Variants in DSE observed in about 807,000 individuals in gnomAD.
DSE encodes the protein dermatan-sulfate epimerase.
In DSE, 36 loss-of-function variants were observed where a neutral mutation model predicts 84.4. That is an observed-to-expected ratio of 0.43 (90% CI 0.33 to 0.56). The LOEUF is 0.56. Ranked by LOEUF, DSE falls within the 20% of genes least tolerant of loss-of-function variation. DSE has a pLI of 0.06. For missense variants in DSE, 862 were observed against 1,169.6 expected (o/e 0.74, Z 3.84); for synonymous variants, 410 against 430.1 (o/e 0.95, Z 0.58).
At chr6:116,380,062 G>A (rs2114942534) in intron 1 of DSE, among the ~76,000 whole-genome samples, 1 of 152,236 alleles carries the variant, frequency 6.6e-6, no homozygotes, top group African/African-American at 2.4e-5. Context: ...AGCCACTGAT[G>A]TTTGGTTCAG....
chr6:116,353,442 C>G (rs930395439), intron 2 of DSE, among the ~76,000 whole-genome samples: 2 of 152,042 alleles, frequency 1.3e-5, no homozygotes, highest in African/African-American at 2.4e-5. Flanking sequence ...TTCATGAGTG[C>G]CTTCTTAATT....
At chr6:116,284,450 AC>A (rs112652727) in intron 2 of DSE, among the ~76,000 whole-genome samples, 30 of 152,200 alleles carry the variant, frequency 2.0e-4, no homozygotes, top group African/African-American at 7.0e-4. Context: ...CATGATTCGA[AC>A]CCAGAAAGTT....
intron 2 of DSE, among the ~76,000 whole-genome samples, chr6:116,287,319 A>G (rs188158117): frequency 4.6e-5 from 7 of 152,264 alleles, no homozygotes; most frequent in Admixed American, 4.6e-4. Flanking sequence ...TGAATACCTT[A>G]ACAATTTATT....
Position 116,295,074 on chromosome 6 carries a change from A to G in DSE, c.-54+36107A>G, listed in dbSNP as rs1158128825. Reference sequence around the variant, plus strand: ...ATCATACTGCAGTGTGAAAACAGGAATATTAGGTATATTCTACCAAGTACA... The same window carrying G: ...ATCATACTGCAGTGTGAAAACAGGAGTATTAGGTATATTCTACCAAGTACA... On this transcript the variant is annotated intron_variant, in intron 2 of 3. Transcript: ENST00000430252. Among the ~76,000 whole-genome samples the G allele has an allele frequency of 2.6e-5, 4 of 152,308 alleles. No individual in the cohort carries two copies. In the East Asian group the frequency reaches 5.8e-4, roughly 22 times the overall value.
At position 116,441,304 on chromosome 6, in the gene DSE, T is replaced by C. The variant is rs887361112; in HGVS notation, c.*3959T>C. 8.5e-5 allele frequency: 13 copies of C among 152,236 alleles called. No homozygotes were observed. The highest frequency in any genetic ancestry group is 1.9e-4 in the East Asian group (1 of 5,204). The allele number at this position is 152,236 out of a possible 1,614,324, so 9.4% of individuals were successfully genotyped here. ...GCATATACAGTTTCCCTCTTGGTTT[T>C]GGGATTTTTTTAATTGAAGTTTTAT... is the stretch of plus-strand genomic sequence containing the variant. On this transcript the variant is annotated 3_prime_UTR_variant, in exon 6 of 6. Coordinates refer to ENST00000644252, the MANE Select transcript of DSE (RefSeq NM_013352.4).
chr6:116,361,555 CTAAGG>C (rs1778889716), intron 2 of DSE, among the ~76,000 whole-genome samples: 1 of 152,062 alleles, frequency 6.6e-6, no homozygotes, highest in African/African-American at 2.4e-5. Context: ...GCTCAGGAGG[CTAAGG>C]TGAGAGTATC....
intron 2 of DSE, among the ~76,000 whole-genome samples, chr6:116,339,314 CTT>C (rs59525124): frequency 1.0e-3 from 151 of 145,780 alleles, no homozygotes; most frequent in African/African-American, 3.6e-3. Context: ...TTCTTCCTTT[CTT>C]TTTTTTTTTT....
intron 2 of DSE, among the ~76,000 whole-genome samples, chr6:116,349,420 T>C (rs542087468): frequency 6.6e-6 from 1 of 152,346 alleles, no homozygotes; most frequent in African/African-American, 2.4e-5. Flanking sequence ...CAGCTTTTAC[T>C]GACCACTGGA....
At chr6:116,350,901 T>G (rs1262280505) in intron 2 of DSE, among the ~76,000 whole-genome samples, 4 of 145,718 alleles carry the variant, frequency 2.7e-5, no homozygotes, top group South Asian at 2.1e-4. Context: ...TCCTGGCATA[T>G]CTTCCTTTTG....
chr6:116,351,017 T>C (rs1778281172), intron 2 of DSE, among the ~76,000 whole-genome samples: 1 of 152,214 alleles, frequency 6.6e-6, no homozygotes, highest in Non-Finnish European at 1.5e-5. Flanking sequence ...AAAAAGAATG[T>C]TCATTTGTTA....
intron 2 of DSE, among the ~76,000 whole-genome samples, chr6:116,336,626 A>G (rs1244488228): frequency 6.6e-6 from 1 of 152,028 alleles, no homozygotes; most frequent in Non-Finnish European, 1.5e-5. Context: ...ATGGTAGCGC[A>G]TGCTTGTAGT....
At chr6:116,271,655 A>C (rs1379718032) in intron 2 of DSE, among the ~76,000 whole-genome samples, 1 of 152,210 alleles carries the variant, frequency 6.6e-6, no homozygotes, top group African/African-American at 2.4e-5. Flanking sequence ...AGTTTTTAAA[A>C]AGGAATTTCA....
At chr6:116,324,557 A>G (rs1269005126) in intron 2 of DSE, among the ~76,000 whole-genome samples, 1 of 152,234 alleles carries the variant, frequency 6.6e-6, no homozygotes, top group Non-Finnish European at 1.5e-5. Flanking sequence ...GGATAGTTGC[A>G]GCGTACGTAG....
intron 2 of DSE, among the ~76,000 whole-genome samples, chr6:116,325,899 C>T (rs182651445): frequency 1.1e-3 from 161 of 152,256 alleles, no homozygotes; most frequent in African/African-American, 3.7e-3. Flanking sequence ...GGGCTCACAA[C>T]TCTAAGGGGA....
chr6:116,301,278 C>T (rs894426436), intron 2 of DSE, among the ~76,000 whole-genome samples: 1 of 152,132 alleles, frequency 6.6e-6, no homozygotes, highest in Non-Finnish European at 1.5e-5. Flanking sequence ...AAGGGCAGTG[C>T]TGAGGACCCA....
At chr6:116,365,469 G>C (rs1396552019), upstream of DSE, among the ~76,000 whole-genome samples, 1 of 151,578 alleles carries the variant, frequency 6.6e-6, no homozygotes, top group African/African-American at 2.4e-5. Context: ...TAGCCAGGAT[G>C]GTCTCGATCT....
intron 1 of DSE, chr6:116,257,132 T>C (rs1043263212): frequency 3.3e-5 from 5 of 152,260 alleles, no homozygotes; most frequent in South Asian, 2.1e-4. Flanking sequence ...CAGAATGATA[T>C]AGTTTCTGGT....
At chr6:116,309,384 A>T (rs143126401) in intron 2 of DSE, among the ~76,000 whole-genome samples, 1 of 152,182 alleles carries the variant, frequency 6.6e-6, no homozygotes, top group African/African-American at 2.4e-5. Context: ...CCTATTATCT[A>T]TTGTCTAGCA....
intron 2 of DSE, among the ~76,000 whole-genome samples, chr6:116,318,796 A>G (rs1228801805): frequency 6.6e-6 from 1 of 152,256 alleles, no homozygotes; most frequent in African/African-American, 2.4e-5. Context: ...AGTGAATTAA[A>G]TCAGCTTCTT....
Sources: allele counts gnomAD v4.1 joint callset (sites outside exome capture counted in the v4.1 genomes callset), GRCh38; gene constraint gnomAD v4.1.1; transcripts MANE v1.5; gene names NCBI Gene and HGNC (gene_info 2026-07-23, HGNC 2026-07-21).